The following UBN1 variants were observed in gnomAD, a reference collection of about 807,000 sequenced individuals.
The protein encoded by UBN1 is ubinuclein 1.
In UBN1, 17 loss-of-function variants were observed where a neutral mutation model predicts 108.5. That is an observed-to-expected ratio of 0.16 (90% CI 0.11 to 0.24). UBN1 has a LOEUF of 0.24. Ranked by LOEUF, UBN1 falls within the 10% of genes least tolerant of loss-of-function variation. The probability of loss-of-function intolerance (pLI) is 1.00; values close to 1 mark genes in which losing one functional copy is unlikely to be tolerated. For synonymous variants in UBN1, 726 were observed against 564.2 expected, an observed-to-expected ratio of 1.29 and a Z score of -4.07; for missense variants, 1,595 against 1,394.4, an observed-to-expected ratio of 1.14 and a Z score of -2.29.
At chr16:4,849,219 A>G (rs147470651) in intron 1 of UBN1, among the ~76,000 whole-genome samples, 59 of 152,352 alleles carry the variant, frequency 3.9e-4, no homozygotes, top group African/African-American at 1.3e-3. Context: ...TAATAAGAAT[A>G]TATTGCCTAA....
intron 2 of UBN1, among the ~76,000 whole-genome samples, chr16:4,855,694 G>A (rs1387345108): frequency 2.0e-5 from 3 of 151,458 alleles, no homozygotes; most frequent in South Asian, 2.1e-4. Context: ...CGAGGCAGGC[G>A]GATCACTTGA....
chr16:4,866,267 A>G (rs1282174493), intron 7 of UBN1, among the ~76,000 whole-genome samples: 1 of 152,194 alleles, frequency 6.6e-6, no homozygotes, highest in Admixed American at 6.5e-5. Flanking sequence ...TTTTTCCATT[A>G]TTCGTCTGTG....
intron 2 of UBN1, 38 bp from the exon 3 acceptor site, chr16:4,857,952 T>C (rs753470351): frequency 1.4e-6 from 2 of 1,463,882 alleles, no homozygotes; most frequent in Non-Finnish European, 1.9e-6. Flanking sequence ...CATGGGAATA[T>C]TTTCTGACTT....
chr16:4,869,474 G>A (rs1317955348), intron 8 of UBN1, among the ~76,000 whole-genome samples: 1 of 152,256 alleles, frequency 6.6e-6, no homozygotes, highest in Admixed American at 6.5e-5. Context: ...AATCCTTGTG[G>A]CCTGGCCTGC....
intron 7 of UBN1, among the ~76,000 whole-genome samples, chr16:4,865,625 A>G (rs1353814031): frequency 6.6e-6 from 1 of 152,140 alleles, no homozygotes; most frequent in African/African-American, 2.4e-5. Flanking sequence ...AGCTGCGATC[A>G]CGTCACTGCA....
In UBN1 at chr16:4,864,393, C is replaced by T. The variant is rs532403615; in HGVS notation, c.1110+3291C>T. On this transcript the variant is annotated intron_variant, in intron 7 of 17. Transcript: ENST00000262376. Reference sequence around the variant, plus strand: ...TGGTACTTAAAACTTTAAAAAATGTCTTTGAAAACTTGTGTATGTTAAAGA... The same window carrying T: ...TGGTACTTAAAACTTTAAAAAATGTTTTTGAAAACTTGTGTATGTTAAAGA... 9.8e-5 allele frequency among the ~76,000 whole-genome samples: 15 copies of T among 152,294 alleles called. No individual in the cohort carries two copies. The South Asian group carries it at 3.1e-3, about 32-fold the overall frequency.
intron 17 of UBN1, among the ~76,000 whole-genome samples, chr16:4,879,268 A>C (rs11076854): frequency 6.6e-6 from 1 of 151,992 alleles, no homozygotes; most frequent in Non-Finnish European, 1.5e-5. Context: ...ACCCCATAAA[A>C]TATGTGTCAT....
chr16:4,875,173 A>G lies in UBN1; in HGVS notation c.2763A>G (p.Gly921=), dbSNP rs1268696952. Residue 921 remains glycine (G), a synonymous_variant, in exon 15 of 18, where the codon GGA becomes GGG. Coordinates refer to ENST00000262376, the MANE Select transcript of UBN1 (RefSeq NM_001079514.3). The part of the protein sequence containing the change: ...HGVSSGSSSS[G]GTPVQSSVSG... ...TTTCTTCTGGCAGCTCTTCCTCGGG[A>G]GGAACACCAGTCCAGAGTTCTGTTT... 3 of 1,614,234 alleles carry G rather than the reference A, an allele frequency of 1.9e-6. No homozygotes were observed. The highest frequency in any genetic ancestry group is 1.3e-5 in the African/African-American group (1 of 75,060).
chr16:4,875,135 T>G lies in UBN1; in HGVS notation c.2725T>G (p.Ser909Ala). Residue 909 changes from serine to alanine, a missense_variant, in exon 15 of 18, where the codon TCC becomes GCC. Ser to Ala is a moderately conservative substitution (Grantham distance 99, BLOSUM62 1). This residue lies in a region of UBN1 where 1,398 missense variants were observed against 1,194.7 expected (regional missense o/e 1.17). Coordinates refer to ENST00000262376, the MANE Select transcript of UBN1 (RefSeq NM_001079514.3). ...YKNNPFASSISKHGVSSGSSS... is the reference protein window; with the variant it reads ...YKNNPFASSIAKHGVSSGSSS... ...GAATAATCCCTTTGCCAGCTCAATC[T>G]CCAAACATGGGGTTTCTTCTGGCAG... The G allele has an allele frequency of 6.2e-7, 1 of 1,614,218 alleles. No homozygotes were observed. Among genetic ancestry groups the G allele is most frequent in the East Asian group, 2.2e-5 (1 of 44,882 alleles).
In UBN1 at chr16:4,874,345, A is replaced by G. The variant is rs746870226; in HGVS notation, c.1935A>G (p.Ala645=). The change falls in exon 15 of 18, where the codon GCA becomes GCG. Residue 645 remains alanine, a synonymous_variant. Transcript: ENST00000262376. Reference sequence around the variant, plus strand: ...CGAGCAGGGAGCTCCCATCCCAGGCATCGGGCGGCCTTGCTAACCCTCCTC... The same window carrying G: ...CGAGCAGGGAGCTCCCATCCCAGGCGTCGGGCGGCCTTGCTAACCCTCCTC... The part of the protein sequence containing the change: ...GASSRELPSQ[A]SGGLANPPPV... 2.5e-6 allele frequency: 4 copies of G among 1,614,164 alleles called. No individual in the cohort carries two copies. The highest frequency in any genetic ancestry group is 2.2e-5 in the South Asian group (2 of 91,086).
rs200157031 is a variant in UBN1 at position 4,875,277 on chromosome 16, A to T, written c.2867A>T (p.Lys956Ile). ...CGACCCGTCCCAAGTTCAGCAGGGA[A>T]AAAAATGCCTGTTTCCCAGAAGTTG... ...TSRPVPSSAG[K>I]KMPVSQKLTL... is the part of the protein sequence containing the mutation. The change falls in exon 15 of 18, where the codon AAA becomes ATA. Residue 956 changes from lysine (K) to isoleucine (I), a missense_variant. Coordinates refer to ENST00000262376, the MANE Select transcript of UBN1 (RefSeq NM_001079514.3). 5.0e-6 allele frequency: 8 copies of T among 1,614,084 alleles called. No individual in the cohort carries two copies. The highest frequency in any genetic ancestry group is 6.8e-6 in the Non-Finnish European group (8 of 1,180,046).
At chr16:4,855,741 A>G (rs1187627033) in intron 2 of UBN1, among the ~76,000 whole-genome samples, 1 of 152,160 alleles carries the variant, frequency 6.6e-6, no homozygotes, top group Admixed American at 6.5e-5. Flanking sequence ...CAACATGGCA[A>G]AAACCCATCT....
At chr16:4,869,832 T>G (rs2087527549) in intron 8 of UBN1, among the ~76,000 whole-genome samples, 1 of 152,060 alleles carries the variant, frequency 6.6e-6, no homozygotes, top group Non-Finnish European at 1.5e-5. Context: ...ACGTGGGGAC[T>G]GGGGGAAAAA....
At chr16:4,876,769 C>T in intron 15 of UBN1, 102 bp from the exon 16 acceptor site, 1 of 1,499,576 alleles carries the variant, frequency 6.7e-7, no homozygotes, top group Non-Finnish European at 8.9e-7. Flanking sequence ...GTATGTCCTC[C>T]TTTGTGGACA....
chr16:4,872,440 C>CT lies in UBN1; in HGVS notation c.1707-435dup, dbSNP rs200810981. On this transcript the variant is annotated intron_variant, in intron 12 of 17. Transcript: ENST00000262376. The stretch of plus-strand genomic sequence containing the variant: ...GAATTTGGCTCCCCAATCCATTGAC[C>CT]TTTTTTTTTGTGTGTGTGGGGGGTG... 3.6e-3 allele frequency: 541 copies of CT among 148,706 alleles called. 1 individual carries two copies. Among genetic ancestry groups the CT allele is most frequent in the African/African-American group, 0.019 (370 of 19,826 alleles). 9.2% of individuals were successfully genotyped at this position (148,706 alleles called of 1,614,324 possible).
chr16:4,860,093 C>A, intron 6 of UBN1, 125 bp downstream of exon 6: 1 of 1,205,506 alleles, frequency 8.3e-7, no homozygotes. Context: ...CCTGTCCTCC[C>A]GCACGCCTCC....
chr16:4,856,420 GT>G, intron 2 of UBN1, among the ~76,000 whole-genome samples: 1 of 152,138 alleles, frequency 6.6e-6, no homozygotes, highest in Non-Finnish European at 1.5e-5. Context: ...GTCCTTAATA[GT>G]ATGAAGGCAT....
intron 7 of UBN1, among the ~76,000 whole-genome samples, chr16:4,865,900 T>G (rs1279521841): frequency 1.3e-5 from 2 of 151,952 alleles, no homozygotes; most frequent in African/African-American, 4.8e-5. Flanking sequence ...AGGTGGAGGT[T>G]GCAGTGAGCT....
At chr16:4,863,728 T>C (rs1442981609) in intron 7 of UBN1, among the ~76,000 whole-genome samples, 1 of 152,208 alleles carries the variant, frequency 6.6e-6, no homozygotes, top group East Asian at 1.9e-4. Flanking sequence ...ATTTGCCTTG[T>C]CATAGCAGTT....
Sources: gnomAD v4.1 joint callset for allele counts (sites outside exome capture counted in the v4.1 genomes callset) on GRCh38, gnomAD v4.1.1 for gene constraint, gnomAD v4.1.1 regional missense constraint, MANE v1.5 for transcripts, NCBI Gene and HGNC (gene_info 2026-07-23, HGNC 2026-07-21) for gene names.